Variants in DNTT observed in about 807,000 individuals in gnomAD.
DNTT encodes the protein nucleosidetriphosphate:DNA deoxynucleotidylexotransferase.
DNTT carries 47 observed loss-of-function variants against 60.9 expected under a neutral mutation model. The observed-to-expected ratio is 0.77, with a 90% confidence interval of 0.61 to 0.98. The LOEUF is 0.98. DNTT is among the 50% of genes least tolerant of loss of function. The pLI is 0.00. For synonymous variants in DNTT, 224 were observed against 221.2 expected, an observed-to-expected ratio of 1.01 and a Z score of -0.11; for missense variants, 665 against 627.5, an observed-to-expected ratio of 1.06 and a Z score of -0.64.
intron 1 of DNTT, among the ~76,000 whole-genome samples, chr10:96,306,022 C>T (rs950479919): frequency 2.0e-5 from 3 of 151,726 alleles, no homozygotes; most frequent in Non-Finnish European, 4.4e-5. Flanking sequence ...CCTGATATTA[C>T]AGACTTACAT....
chr10:96,325,649 TG>T (rs1844931239), intron 6 of DNTT, among the ~76,000 whole-genome samples: 1 of 152,246 alleles, frequency 6.6e-6, no homozygotes, highest in Non-Finnish European at 1.5e-5. Flanking sequence ...AGTCAATCAG[TG>T]ATTTCCATCT....
chr10:96,336,118 C>A, intron 10 of DNTT, 144 bp downstream of exon 10: 2 of 808,018 alleles, frequency 2.5e-6, no homozygotes, highest in Non-Finnish European at 4.1e-6. Context: ...TAGTTGAGGG[C>A]AGCAAGAAAG....
At chr10:96,326,520 C>G (rs751928971) in intron 6 of DNTT, among the ~76,000 whole-genome samples, 1 of 152,082 alleles carries the variant, frequency 6.6e-6, no homozygotes, top group Non-Finnish European at 1.5e-5. Context: ...AAATGGCCAC[C>G]CTGCTGCCTC....
At chr10:96,320,513 C>A in intron 3 of DNTT, 105 bp from the exon 4 acceptor site, 1 of 1,327,922 alleles carries the variant, frequency 7.5e-7, no homozygotes, top group Non-Finnish European at 1.0e-6. Flanking sequence ...AGGAAACACG[C>A]AAGTGGTATT....
At chr10:96,328,988 C>G (rs1212761257) in intron 8 of DNTT, among the ~76,000 whole-genome samples, 158 bp downstream of exon 8, 1 of 152,216 alleles carries the variant, frequency 6.6e-6, no homozygotes. Flanking sequence ...ATAAGACTTT[C>G]CTGTTTTGGG....
At chr10:96,325,205 A>G (rs1844925840) in intron 6 of DNTT, among the ~76,000 whole-genome samples, 1 of 152,232 alleles carries the variant, frequency 6.6e-6, no homozygotes, top group Non-Finnish European at 1.5e-5. Context: ...GTGATTCAAA[A>G]AGGAGTCACA....
chr10:96,309,965 A>T (rs889608274), intron 1 of DNTT, among the ~76,000 whole-genome samples: 1 of 152,228 alleles, frequency 6.6e-6, no homozygotes, highest in Admixed American at 6.5e-5. Context: ...CAAGGATCTG[A>T]AAAAAGCAAC....
At chr10:96,319,183 C>T (rs969674018) in intron 2 of DNTT, 79 bp from the exon 3 acceptor site, 7 of 1,506,840 alleles carry the variant, frequency 4.6e-6, no homozygotes, top group Admixed American at 1.9e-5. Flanking sequence ...CTACAGACAA[C>T]TACTTCCAAA....
At chr10:96,310,986 T>C (rs12249407) in intron 1 of DNTT, among the ~76,000 whole-genome samples, 135 of 152,328 alleles carry the variant, frequency 8.9e-4, no homozygotes, top group African/African-American at 3.2e-3. Context: ...ATTTGCGGCT[T>C]TAAATTAACA....
intron 8 of DNTT, among the ~76,000 whole-genome samples, chr10:96,332,147 C>T (rs111764057): frequency 1.3e-5 from 2 of 152,228 alleles, no homozygotes; most frequent in African/African-American, 4.8e-5. Flanking sequence ...TCTCTCATCG[C>T]TAAATTCCTT....
rs1188931456 is a variant in DNTT, at chr10:96,309,326, G to A, written c.203+4626G>A. Among the ~76,000 whole-genome samples the A allele has an allele frequency of 4.6e-5, 7 of 152,246 alleles. 1 individual carries two copies. The South Asian group carries it at 1.2e-3, about 27-fold the overall frequency. ...TGTGCAGTATTTGTCAGGTTGTGGAGACACAAAATAGTGGAAGACATGAGT... is the reference window on the plus strand; with the variant it reads ...TGTGCAGTATTTGTCAGGTTGTGGAAACACAAAATAGTGGAAGACATGAGT... On this transcript the variant is annotated intron_variant, in intron 1 of 10. Transcript: ENST00000371174.
chr10:96,306,753 G>A (rs989834659), intron 1 of DNTT: 1 of 152,238 alleles, frequency 6.6e-6, no homozygotes, highest in African/African-American at 2.4e-5. Context: ...GCAAACTGCC[G>A]CTGTGCATGT....
At chr10:96,332,769 G>T (rs369790507) in intron 9 of DNTT, among the ~76,000 whole-genome samples, 173 bp downstream of exon 9, 18 of 152,332 alleles carry the variant, frequency 1.2e-4, no homozygotes, top group African/African-American at 4.3e-4. Context: ...AAGTATGACA[G>T]ATTAATTTAG....
In DNTT at chr10:96,312,372, G is replaced by A. The variant is rs368623937; in HGVS notation, c.204-5980G>A. ...CTGATTCAACCAGTAAGGTACAGTG[G>A]AAATGAGACTGTGTGACTTTCCCTG... On this transcript the variant is annotated intron_variant, in intron 1 of 10. Transcript: ENST00000371174. 1.4e-4 allele frequency among the ~76,000 whole-genome samples: 21 copies of A among 152,276 alleles called. No individual in the cohort carries two copies. In the East Asian group the frequency reaches 3.1e-3, roughly 22 times the overall value.
At chr10:96,328,086 C>A (rs1055161742) in intron 7 of DNTT, among the ~76,000 whole-genome samples, 1 of 152,184 alleles carries the variant, frequency 6.6e-6, no homozygotes, top group Non-Finnish European at 1.5e-5. Context: ...ATGCCTAGCA[C>A]AAAGTAGGTG....
chr10:96,325,228 A>G (rs1444259873), intron 6 of DNTT, among the ~76,000 whole-genome samples: 3 of 152,208 alleles, frequency 2.0e-5, no homozygotes, highest in African/African-American at 7.2e-5. Flanking sequence ...CATAGTCCCT[A>G]CTCATTTTTT....
chr10:96,314,673 A>G (rs1205849250), intron 1 of DNTT, among the ~76,000 whole-genome samples: 2 of 151,560 alleles, frequency 1.3e-5, no homozygotes, highest in Non-Finnish European at 2.9e-5. Flanking sequence ...CAGCCTCCCA[A>G]AGTGCTGGGA....
intron 2 of DNTT, 31 bp downstream of exon 2, chr10:96,318,557 C>T (rs368073574): frequency 2.5e-6 from 4 of 1,605,516 alleles, no homozygotes; most frequent in Non-Finnish European, 2.6e-6. Context: ...TTTCACTGTT[C>T]TTTGCTTGAT....
rs537577417 is a variant in DNTT at position 96,321,494 on chromosome 10, G to T, written c.678+706G>T. Among the ~76,000 whole-genome samples the T allele has an allele frequency of 2.6e-5, 4 of 152,160 alleles. No homozygotes were observed. The South Asian group carries it at 8.3e-4, about 32-fold the overall frequency. ...CTTTTCCGGTGGAATGCTCCGGAAA[G>T]TCATAATCTGCCATTTTGTCTCTTA... On this transcript the variant is annotated intron_variant, in intron 4 of 10. Transcript: ENST00000371174.
Sources: gnomAD v4.1 joint callset for allele counts (sites outside exome capture counted in the v4.1 genomes callset) on GRCh38, gnomAD v4.1.1 for gene constraint, MANE v1.5 for transcripts, NCBI Gene and HGNC (gene_info 2026-07-23, HGNC 2026-07-21) for gene names.